The following COL19A1 variants were observed in gnomAD, a reference collection of about 807,000 sequenced individuals.
COL19A1 encodes collagen alpha-1(XIX) chain.
COL19A1 carries 159 observed loss-of-function variants against 190.2 expected under a neutral mutation model. The ratio of observed to expected loss-of-function variants is 0.84; its 90% CI spans 0.73 to 0.95. COL19A1 has a LOEUF of 0.95. Ranked by LOEUF, COL19A1 falls within the 40% of genes least tolerant of loss-of-function variation. The probability of loss-of-function intolerance (pLI) is 0.00; values close to 1 mark genes in which losing one functional copy is unlikely to be tolerated. For missense variants in COL19A1, 1,418 were observed against 1,431.9 expected (o/e 0.99, Z 0.16); for synonymous variants, 509 against 458.9 (o/e 1.11, Z -1.39).
At position 69,960,036 on chromosome 6, in the gene COL19A1, A is replaced by G; in HGVS notation, c.977A>G (p.Gln326Arg). 1.2e-6 allele frequency: 2 copies of G among 1,613,180 alleles called. No individual in the cohort carries two copies. Among genetic ancestry groups the G allele is most frequent in the Non-Finnish European group, 1.7e-6 (2 of 1,179,570 alleles). ...GLHGAPGFPGQKGEQGFEGSK... is the reference protein window; with the variant it reads ...GLHGAPGFPGRKGEQGFEGSK... ...CATGGTGCTCCAGGATTCCCTGGTC[A>G]AAAGGTAAAGAGTTCTTGAATGTTT... Residue 326 changes from glutamine to arginine, a missense_variant, in exon 10 of 51, where the codon CAA (glutamine) becomes CGA (arginine). Transcript: ENST00000620364.
intron 7 of COL19A1, among the ~76,000 whole-genome samples, chr6:69,935,515 T>C (rs925377578): frequency 6.6e-6 from 1 of 152,068 alleles, no homozygotes; most frequent in African/African-American, 2.4e-5. Context: ...AATAACCTTG[T>C]TCCATTCAAA....
At position 70,207,761 on chromosome 6, in the gene COL19A1, T is replaced by C. The variant is rs1481749154; in HGVS notation, c.*487T>C. ...GTGCATTGCTCCTGTTGAATGTTTT[T>C]TGACTACTTTTTATAACTTAAGAAT... is the stretch of plus-strand genomic sequence containing the variant. On this transcript the variant is annotated 3_prime_UTR_variant, in exon 51 of 51. Transcript: ENST00000620364. 6.6e-6 allele frequency: 1 copy of C among 152,242 alleles called. No homozygotes were observed. The highest frequency in any genetic ancestry group is 1.5e-5 in the Non-Finnish European group (1 of 68,072). The allele number at this position is 152,242 out of a possible 1,614,324, so 9.4% of individuals were successfully genotyped here.
intron 18 of COL19A1, among the ~76,000 whole-genome samples, chr6:70,133,828 T>C (rs929326529): frequency 4.6e-5 from 7 of 152,190 alleles, no homozygotes; most frequent in Admixed American, 4.6e-4. Context: ...AGAAAATGCT[T>C]TTGCTTGCAG....
At chr6:70,073,979 T>A (rs1781707469) in intron 15 of COL19A1, among the ~76,000 whole-genome samples, 1 of 152,174 alleles carries the variant, frequency 6.6e-6, no homozygotes, top group Non-Finnish European at 1.5e-5. Context: ...ATTGATCTCA[T>A]TAGGTAAAAG....
intron 16 of COL19A1, among the ~76,000 whole-genome samples, chr6:70,116,576 A>G (rs1784590664): frequency 6.6e-6 from 1 of 152,200 alleles, no homozygotes; most frequent in Non-Finnish European, 1.5e-5. Flanking sequence ...CTCATTTGAC[A>G]TTACCTTTTC....
intron 1 of COL19A1, among the ~76,000 whole-genome samples, chr6:69,867,885 G>T (rs1767575022): frequency 6.6e-6 from 1 of 152,148 alleles, no homozygotes. Context: ...ATAGAGGCAA[G>T]AGAGTGATCA....
intron 4 of COL19A1, among the ~76,000 whole-genome samples, chr6:69,916,189 G>A (rs1052925721): frequency 6.6e-6 from 1 of 152,034 alleles, no homozygotes; most frequent in Non-Finnish European, 1.5e-5. Context: ...GCCCGCCTCG[G>A]CCTCCCAAAG....
chr6:70,111,417 T>C (rs1406370845), intron 16 of COL19A1, among the ~76,000 whole-genome samples: 2 of 152,194 alleles, frequency 1.3e-5, no homozygotes, highest in African/African-American at 2.4e-5. Flanking sequence ...ATGTCTGTAA[T>C]GAATTCATTA....
chr6:70,154,085 C>A (rs558344513), intron 31 of COL19A1, among the ~76,000 whole-genome samples: 12 of 151,810 alleles, frequency 7.9e-5, no homozygotes, highest in Non-Finnish European at 1.6e-4. Flanking sequence ...TTAGGTATTT[C>A]TCCTAATGCT....
intron 14 of COL19A1, among the ~76,000 whole-genome samples, chr6:70,036,668 GT>G (rs150231550): frequency 6.6e-6 from 1 of 151,108 alleles, no homozygotes; most frequent in African/African-American, 2.4e-5. Context: ...GTTTTGTTTT[GT>G]TTTTTTTAAA....
chr6:70,107,846 C>G (rs1784065943), intron 16 of COL19A1, among the ~76,000 whole-genome samples: 1 of 152,100 alleles, frequency 6.6e-6, no homozygotes, highest in Non-Finnish European at 1.5e-5. Flanking sequence ...GGGGCTTGTT[C>G]CTTTACCATC....
chr6:69,880,760 C>A (rs1768491362), intron 2 of COL19A1, among the ~76,000 whole-genome samples: 1 of 152,118 alleles, frequency 6.6e-6, no homozygotes, highest in African/African-American at 2.4e-5. Context: ...GAAACTCTTT[C>A]TTCAGTGAGA....
At chr6:70,111,685 A>C (rs1784294973) in intron 16 of COL19A1, among the ~76,000 whole-genome samples, 1 of 152,158 alleles carries the variant, frequency 6.6e-6, no homozygotes, top group South Asian at 2.1e-4. Context: ...ACGTGTTTTA[A>C]AACTAAAATT....
chr6:69,930,376 G>A (rs1018521849), intron 6 of COL19A1, among the ~76,000 whole-genome samples: 1 of 152,102 alleles, frequency 6.6e-6, no homozygotes, highest in Non-Finnish European at 1.5e-5. Context: ...TAAATTTGAT[G>A]GCTGCACGTT....
chr6:70,090,519 G>T (rs1002740875), intron 15 of COL19A1, among the ~76,000 whole-genome samples: 2 of 152,102 alleles, frequency 1.3e-5, no homozygotes, highest in African/African-American at 4.8e-5. Context: ...GTATTGGACA[G>T]TGGGGATCTG....
chr6:70,173,375 T>C (rs544270451), intron 41 of COL19A1, among the ~76,000 whole-genome samples: 75 of 152,260 alleles, frequency 4.9e-4, no homozygotes, highest in African/African-American at 1.8e-3. Flanking sequence ...GAGTCAAGGA[T>C]TGAGCCCCAA....
chr6:70,003,253 G>A (rs577971830), intron 11 of COL19A1, among the ~76,000 whole-genome samples: 23 of 152,226 alleles, frequency 1.5e-4, no homozygotes, highest in Admixed American at 5.2e-4. Flanking sequence ...TATGATTTCA[G>A]TTCTTTTGCA....
intron 1 of COL19A1, among the ~76,000 whole-genome samples, chr6:69,868,489 G>A (rs1173810117): frequency 6.6e-6 from 1 of 152,102 alleles, no homozygotes; most frequent in Non-Finnish European, 1.5e-5. Flanking sequence ...ATAGAAAGTG[G>A]AGAAAGTAAC....
chr6:69,953,196 T>C (rs914452624), intron 9 of COL19A1, among the ~76,000 whole-genome samples: 2 of 152,076 alleles, frequency 1.3e-5, no homozygotes, highest in Non-Finnish European at 2.9e-5. Context: ...ATTGTTAGGC[T>C]TTATAAAACA....
Sources: allele counts gnomAD v4.1 joint callset (sites outside exome capture counted in the v4.1 genomes callset), GRCh38; gene constraint gnomAD v4.1.1; transcripts MANE v1.5; gene names NCBI Gene and HGNC (gene_info 2026-07-23, HGNC 2026-07-21).